Variants in ADAM10 observed in about 807,000 individuals in gnomAD.
ADAM10 encodes ADAM metallopeptidase domain 10.
A neutral mutation model predicts 90.1 loss-of-function variants in ADAM10; 17 were observed. The observed-to-expected ratio is 0.19, with a 90% CI of 0.13 to 0.28. ADAM10 has a LOEUF of 0.28. ADAM10 is among the 10% of genes least tolerant of loss of function. The pLI is 1.00. For missense variants in ADAM10, 610 were observed against 914.3 expected, an observed-to-expected ratio of 0.67 and a Z score of 4.29; for synonymous variants, 310 against 298.6, an observed-to-expected ratio of 1.04 and a Z score of -0.40.
rs143167148 is a variant in ADAM10 at position 58,687,732 on chromosome 15, C to G, written c.207-5418G>C. ...GATAGAATTTAGTAATAAAAAGGAACAAACTATTGATAAACACAACAATTT... is the reference window on the plus strand; with the variant it reads ...GATAGAATTTAGTAATAAAAAGGAAGAAACTATTGATAAACACAACAATTT... On this transcript the variant is annotated intron_variant, in intron 2 of 15. Transcript: ENST00000260408. Among the ~76,000 whole-genome samples, 282 of 151,980 alleles carry G rather than the reference C, an allele frequency of 1.9e-3. 2 individuals carry two copies. Among genetic ancestry groups the G allele is most frequent in the African/African-American group, 6.6e-3 (273 of 41,486 alleles).
intron 14 of ADAM10, among the ~76,000 whole-genome samples, chr15:58,603,037 C>T (rs1304211510): frequency 6.6e-6 from 1 of 152,180 alleles, no homozygotes. Flanking sequence ...CTGAATCTGG[C>T]TTGGAATTTA....
In ADAM10 at chr15:58,693,102, G is replaced by A. The variant is rs757022527; in HGVS notation, c.207-10788C>T. ...GAAGGAAAATCTCCTTGTTGGAATAGAAGGTATTGATTATGAGAGACATGA... is the reference window on the plus strand; with the variant it reads ...GAAGGAAAATCTCCTTGTTGGAATAAAAGGTATTGATTATGAGAGACATGA... On this transcript the variant is annotated intron_variant, in intron 2 of 15. Transcript: ENST00000260408. The A allele has an allele frequency of 1.7e-5, 13 of 743,108 alleles. 1 individual carries two copies. Among genetic ancestry groups the A allele is most frequent in the South Asian group, 1.7e-4 (13 of 74,318 alleles). 46.0% of individuals were successfully genotyped at this position (743,108 alleles called of 1,614,324 possible). A position where few individuals can be genotyped will look rare whatever the true frequency, so the allele number is the denominator to read the frequency against.
chr15:58,667,997 C>T (rs1404052542), intron 4 of ADAM10, among the ~76,000 whole-genome samples: 1 of 152,054 alleles, frequency 6.6e-6, no homozygotes, highest in Non-Finnish European at 1.5e-5. Flanking sequence ...TCCACAAGCA[C>T]TCACAACACT....
At chr15:58,660,617 A>C (rs1896942929) in intron 5 of ADAM10, among the ~76,000 whole-genome samples, 1 of 151,992 alleles carries the variant, frequency 6.6e-6, no homozygotes, top group African/African-American at 2.4e-5. Context: ...TTAGATTTAA[A>C]CTTACCACCT....
At chr15:58,718,386 T>C (rs1333125333) in intron 1 of ADAM10, among the ~76,000 whole-genome samples, 3 of 152,238 alleles carry the variant, frequency 2.0e-5, no homozygotes, top group Non-Finnish European at 2.9e-5. Flanking sequence ...TAATTTTGTT[T>C]AGAATTTTGT....
At chr15:58,689,802 C>T (rs1897722831) in intron 2 of ADAM10, among the ~76,000 whole-genome samples, 1 of 151,744 alleles carries the variant, frequency 6.6e-6, no homozygotes, top group Non-Finnish European at 1.5e-5. Flanking sequence ...AAAATGAATT[C>T]ATGATTTAAG....
At chr15:58,731,398 C>T (rs1228034025) in intron 1 of ADAM10, among the ~76,000 whole-genome samples, 4 of 151,976 alleles carry the variant, frequency 2.6e-5, no homozygotes, top group African/African-American at 7.3e-5. Context: ...GCGGGCAGAT[C>T]GCTTAAACCC....
chr15:58,714,339 A>C (rs1415820163), intron 2 of ADAM10, among the ~76,000 whole-genome samples: 1 of 150,224 alleles, frequency 6.7e-6, no homozygotes, highest in Non-Finnish European at 1.5e-5. Flanking sequence ...AAGCTGTGCT[A>C]CTACCCAGAA....
At chr15:58,685,566 A>G (rs201528046) in intron 2 of ADAM10, among the ~76,000 whole-genome samples, 2 of 131,646 alleles carry the variant, frequency 1.5e-5, no homozygotes, top group South Asian at 4.4e-4. Context: ...ATATATATAT[A>G]TATATATATA....
chr15:58,671,806 T>C (rs777182819), intron 4 of ADAM10, among the ~76,000 whole-genome samples: 1 of 152,102 alleles, frequency 6.6e-6, no homozygotes, highest in Non-Finnish European at 1.5e-5. Flanking sequence ...ATACCAAAAA[T>C]AACTTTTTTT....
At position 58,588,999 on chromosome 15, in the gene ADAM10, G is replaced by A. The variant is rs1448089338; in HGVS notation, c.*8548C>T. On this transcript the variant is annotated 3_prime_UTR_variant, in exon 16 of 16. Transcript: ENST00000260408. ...AAGAAAATTTATCTCCAGGTATGAC[G>A]GAAGGAGGTTGTGCTGCCACAGGAT... 4.6e-5 allele frequency: 7 copies of A among 152,178 alleles called. No individual in the cohort carries two copies. Among genetic ancestry groups the A allele is most frequent in the African/African-American group, 1.2e-4 (5 of 41,442 alleles). The allele number at this position is 152,178 out of a possible 1,614,324, so 9.4% of individuals were successfully genotyped here.
chr15:58,627,442 T>C lies in ADAM10; in HGVS notation c.1360+258A>G, dbSNP rs78309977. On this transcript the variant is annotated intron_variant, in intron 10 of 15. Transcript: ENST00000260408. ...AACAGAAAAAGAACTATAAACAATA[T>C]TGAACTCTAGTTAATGATTTGCAGA... 5.9e-5 allele frequency among the ~76,000 whole-genome samples: 9 copies of C among 152,178 alleles called. No individual in the cohort carries two copies. In the East Asian group the frequency reaches 1.2e-3, roughly 20 times the overall value.
intron 1 of ADAM10, among the ~76,000 whole-genome samples, chr15:58,726,722 G>A (rs1237677341): frequency 6.6e-6 from 1 of 151,768 alleles, no homozygotes; most frequent in Non-Finnish European, 1.5e-5. Flanking sequence ...TGATCCAGCT[G>A]AGTACATTAG....
rs141962055 is a variant in ADAM10 at position 58,740,536 on chromosome 15, G to A, written c.55+8944C>T. 2.2e-3 allele frequency among the ~76,000 whole-genome samples: 328 copies of A among 151,844 alleles called. 1 individual carries two copies. The highest frequency in any genetic ancestry group is 3.9e-3 in the Non-Finnish European group (266 of 67,964). ...CAGTGTCTGCTTTGCATACTTATGC[G>A]TTTTAACTACACTTTACATTTTTCT... On this transcript the variant is annotated intron_variant, in intron 1 of 15. Coordinates refer to ENST00000260408, the MANE Select transcript of ADAM10 (RefSeq NM_001110.4).
chr15:58,631,526 C>T (rs373982447), intron 9 of ADAM10, among the ~76,000 whole-genome samples: 2 of 152,252 alleles, frequency 1.3e-5, no homozygotes, highest in South Asian at 2.1e-4. Context: ...GCAGCAGCAG[C>T]AGCATTATGT....
At chr15:58,603,260 T>G (rs753581542) in intron 14 of ADAM10, among the ~76,000 whole-genome samples, 21 of 152,190 alleles carry the variant, frequency 1.4e-4, no homozygotes, top group Non-Finnish European at 2.9e-4. Flanking sequence ...CTGCTACTTA[T>G]CGCAAGACAG....
At chr15:58,748,195 C>G (rs1261526813) in intron 1 of ADAM10, 1 of 152,216 alleles carries the variant, frequency 6.6e-6, no homozygotes, top group Non-Finnish European at 1.5e-5. Context: ...TAACAGAAGT[C>G]TGCCTACGCA....
chr15:58,629,751 T>C (rs1896050485), intron 9 of ADAM10, among the ~76,000 whole-genome samples: 1 of 152,056 alleles, frequency 6.6e-6, no homozygotes, highest in South Asian at 2.1e-4. Flanking sequence ...TAATTTAAAA[T>C]TTGGACTATA....
At chr15:58,737,427 G>A (rs1408491268) in intron 1 of ADAM10, among the ~76,000 whole-genome samples, 2 of 151,996 alleles carry the variant, frequency 1.3e-5, no homozygotes, top group African/African-American at 2.4e-5. Context: ...TAAGTACAAA[G>A]AACCTAAATT....
Sources: gnomAD v4.1 joint callset for allele counts (sites outside exome capture counted in the v4.1 genomes callset) on GRCh38, gnomAD v4.1.1 for gene constraint, MANE v1.5 for transcripts, NCBI Gene and HGNC (gene_info 2026-07-23, HGNC 2026-07-21) for gene names.